The following AXDND1 variants were observed in gnomAD, a reference collection of about 807,000 sequenced individuals.
AXDND1 encodes the protein axonemal dynein light chain domain-containing protein 1.
In AXDND1, 110 loss-of-function variants were observed where a neutral mutation model predicts 137.5. That is an observed-to-expected ratio of 0.80 (90% confidence interval 0.69 to 0.94). The LOEUF is 0.94. Ranked by LOEUF, AXDND1 falls within the 40% of genes least tolerant of loss-of-function variation. AXDND1 has a pLI of 0.00. For synonymous variants in AXDND1, 414 were observed against 399.7 expected (o/e 1.04, Z -0.43); for missense variants, 1,191 against 1,169.8 (o/e 1.02, Z -0.26).
chr1:179,416,598 G>C (rs977622614), intron 12 of AXDND1, among the ~76,000 whole-genome samples: 1 of 152,152 alleles, frequency 6.6e-6, no homozygotes, highest in Non-Finnish European at 1.5e-5. Context: ...ATTGACTTCT[G>C]ATTAGCCCCA....
At chr1:179,538,333 A>T (rs977835277) in intron 25 of AXDND1, among the ~76,000 whole-genome samples, 12 of 152,036 alleles carry the variant, frequency 7.9e-5, no homozygotes, top group Admixed American at 6.6e-4. Context: ...GCATTTAGTG[A>T]TATAAATTTC....
intron 16 of AXDND1, chr1:179,456,363 C>T: frequency 1.3e-6 from 1 of 780,588 alleles, no homozygotes; most frequent in Non-Finnish European, 2.3e-6. Context: ...CTTCGTGGGT[C>T]CAAAATTTGA....
At chr1:179,448,424 A>G (rs1660040788) in intron 16 of AXDND1, 1 of 568,226 alleles carries the variant, frequency 1.8e-6, no homozygotes. Flanking sequence ...TGTGATTTGT[A>G]TTTTCTTCTG....
intron 5 of AXDND1, among the ~76,000 whole-genome samples, chr1:179,379,106 C>T (rs762143134): frequency 1.3e-5 from 2 of 152,014 alleles, no homozygotes; most frequent in South Asian, 2.1e-4. Flanking sequence ...ATTTTAAATT[C>T]CCTGCTGAAT....
chr1:179,395,028 C>A, intron 10 of AXDND1, 70 bp from the exon 11 acceptor site: 1 of 1,334,804 alleles, frequency 7.5e-7, no homozygotes. Context: ...GAATATAAAT[C>A]TGATTTTCTT....
At chr1:179,488,840 T>G (rs1429288014) in intron 18 of AXDND1, among the ~76,000 whole-genome samples, 2 of 145,712 alleles carry the variant, frequency 1.4e-5, no homozygotes, top group Non-Finnish European at 3.0e-5. Context: ...ATTCAAGTGA[T>G]TCTCCTGCCT....
In AXDND1 at chr1:179,492,701, C is replaced by T. The variant is rs532352908; in HGVS notation, c.2292-154C>T. Among the ~76,000 whole-genome samples, 5 of 152,252 alleles carry T rather than the reference C, an allele frequency of 3.3e-5. No individual in the cohort carries two copies. In the East Asian group the frequency reaches 5.8e-4, roughly 18 times the overall value. On this transcript the variant is annotated intron_variant, in intron 19 of 25. Transcript: ENST00000367618. ...AGAAATTGAGGAGACAAATTATTCT[C>T]CTTGGTGAGTCAGTAGCTGAATTAT...
At chr1:179,391,723 A>C (rs1419355007) in intron 9 of AXDND1, among the ~76,000 whole-genome samples, 1 of 151,872 alleles carries the variant, frequency 6.6e-6, no homozygotes, top group Non-Finnish European at 1.5e-5. Context: ...TTTTTAGTAG[A>C]GAGAGGGTTT....
intron 20 of AXDND1, among the ~76,000 whole-genome samples, chr1:179,497,734 A>T (rs916825410): frequency 3.3e-5 from 5 of 152,186 alleles, no homozygotes; most frequent in African/African-American, 1.2e-4. Context: ...GTCTTTGCTG[A>T]TGATAGGATT....
In AXDND1 at chr1:179,525,329, C is replaced by T. The variant is rs2125685691; in HGVS notation, c.2497-5C>T. 1 of 1,607,436 alleles carries T rather than the reference C, an allele frequency of 6.2e-7. No individual in the cohort carries two copies. ...CTTTAATCATAATATTGGTTCATCT[C>T]ACAGGAGGCTGTAAAAGAATTCATT... On this transcript the variant is annotated splice_polypyrimidine_tract_variant and splice_region_variant and intron_variant, in intron 21 of 25. Transcript: ENST00000367618.
chr1:179,513,765 A>G (rs1669267722), intron 21 of AXDND1, among the ~76,000 whole-genome samples: 1 of 151,890 alleles, frequency 6.6e-6, no homozygotes, highest in Non-Finnish European at 1.5e-5. Context: ...TGTTCAGGGT[A>G]TCTAATTCTT....
chr1:179,429,566 GA>G lies in AXDND1; in HGVS notation c.1284del (p.Gly429AlafsTer27), dbSNP rs1657080772. On this transcript the variant is annotated frameshift_variant, in exon 13 of 26. Coordinates refer to ENST00000367618, the MANE Select transcript of AXDND1 (RefSeq NM_144696.6). LOFTEE classifies it high-confidence loss of function. ...ATTGGCTAGAAGACTTTACCTTAATGAAAAAGGCTGGAATAAATACACTAAG... is the reference window on the plus strand; with the variant it reads ...ATTGGCTAGAAGACTTTACCTTAATGAAAAGGCTGGAATAAATACACTAAG... The part of the protein sequence containing the change: ...VILARRLYLN[E>X]KGWNKYTKHF... 5 of 1,577,288 alleles carry G rather than the reference GA, an allele frequency of 3.2e-6. No individual in the cohort carries two copies. Among genetic ancestry groups the G allele is most frequent in the Middle Eastern group, 1.7e-4 (1 of 5,952 alleles).
At chr1:179,406,864 A>G (rs905455380) in intron 11 of AXDND1, among the ~76,000 whole-genome samples, 8 of 152,136 alleles carry the variant, frequency 5.3e-5, no homozygotes, top group Admixed American at 1.3e-4. Context: ...CAAGGTTATT[A>G]TTGATAGGTG....
chr1:179,394,394 G>A lies in AXDND1; in HGVS notation c.1004+351G>A, dbSNP rs188759582. On this transcript the variant is annotated intron_variant, in intron 10 of 25. Coordinates refer to ENST00000367618, the MANE Select transcript of AXDND1 (RefSeq NM_144696.6). The stretch of plus-strand genomic sequence containing the variant: ...ACTTGAGGTCAGGAGTTTGAGACCA[G>A]CCTGGCCAACATGGTGAAACCCCAT... 6.2e-3 allele frequency among the ~76,000 whole-genome samples: 950 copies of A among 152,142 alleles called. 10 individuals carry two copies. The highest frequency in any genetic ancestry group is 0.022 in the African/African-American group (907 of 41,500).
intron 2 of AXDND1, among the ~76,000 whole-genome samples, chr1:179,367,389 C>T (rs1003337495): frequency 3.9e-5 from 6 of 152,118 alleles, no homozygotes; most frequent in African/African-American, 1.4e-4. Flanking sequence ...GTGGCTCGTG[C>T]CTGTAGTCCC....
At chr1:179,469,923 C>G (rs1257750734) in intron 17 of AXDND1, among the ~76,000 whole-genome samples, 1 of 152,122 alleles carries the variant, frequency 6.6e-6, no homozygotes, top group Non-Finnish European at 1.5e-5. Context: ...AAATTTACCC[C>G]TATGTTTTTT....
intron 9 of AXDND1, among the ~76,000 whole-genome samples, chr1:179,387,793 G>T (rs1057269106): frequency 6.6e-6 from 1 of 152,098 alleles, no homozygotes; most frequent in South Asian, 2.1e-4. Context: ...TTTACAGTCT[G>T]GTTGGTTGGT....
At chr1:179,434,356 C>A (rs1048617664) in intron 15 of AXDND1, among the ~76,000 whole-genome samples, 3 of 152,092 alleles carry the variant, frequency 2.0e-5, no homozygotes, top group Admixed American at 6.5e-5. Flanking sequence ...ATTTATGAGG[C>A]CAGCATCATC....
chr1:179,377,913 C>T (rs1387244010), intron 4 of AXDND1, among the ~76,000 whole-genome samples: 1 of 152,142 alleles, frequency 6.6e-6, no homozygotes, highest in Non-Finnish European at 1.5e-5. Context: ...TGGCTCATGC[C>T]TGTAATCCCA....
Sources: gnomAD v4.1 joint callset for allele counts (sites outside exome capture counted in the v4.1 genomes callset) on GRCh38, gnomAD v4.1.1 for gene constraint, MANE v1.5 for transcripts, NCBI Gene and HGNC (gene_info 2026-07-23, HGNC 2026-07-21) for gene names.